CALCRL: variants seen among roughly 807,000 people sequenced by gnomAD.
The protein encoded by CALCRL is calcitonin gene-related peptide type 1 receptor.
CALCRL carries 27 observed loss-of-function variants against 60.4 expected under a neutral mutation model. That is an observed-to-expected ratio of 0.45 (90% confidence interval 0.33 to 0.62). The LOEUF is 0.62. CALCRL is among the 20% of genes least tolerant of loss of function. The pLI, the probability that CALCRL is intolerant of heterozygous loss-of-function variation, is 0.03. For missense variants in CALCRL, 424 were observed against 540.7 expected, an observed-to-expected ratio of 0.78 and a Z score of 2.14; for synonymous variants, 190 against 182.6, an observed-to-expected ratio of 1.04 and a Z score of -0.33.
chr2:187,433,779 T>C (rs1041858139), intron 1 of CALCRL, among the ~76,000 whole-genome samples: 8 of 152,066 alleles, frequency 5.3e-5, no homozygotes, highest in African/African-American at 7.2e-5. Context: ...AACCTAAGTA[T>C]ATTTATGAAG....
At position 187,375,316 on chromosome 2, in the gene CALCRL, T is replaced by G. The variant is rs527617402; in HGVS notation, c.500+3624A>C. Among the ~76,000 whole-genome samples the G allele has an allele frequency of 2.8e-4, 42 of 150,906 alleles. 1 individual carries two copies. Among genetic ancestry groups the G allele is most frequent in the Admixed American group, 1.5e-3 (22 of 15,130 alleles). On this transcript the variant is annotated intron_variant, in intron 8 of 14. Coordinates refer to ENST00000392370, the MANE Select transcript of CALCRL (RefSeq NM_005795.6). Reference sequence around the variant, plus strand: ...AAAAAAAATTGAGTTATGCCTGAATTCAACTGCATACCTCTTATACTAACT... The same window carrying G: ...AAAAAAAATTGAGTTATGCCTGAATGCAACTGCATACCTCTTATACTAACT...
chr2:187,405,444 C>T (rs568856944), intron 1 of CALCRL, among the ~76,000 whole-genome samples: 2 of 152,060 alleles, frequency 1.3e-5, no homozygotes, highest in South Asian at 2.1e-4. Flanking sequence ...TGCTTTGTTA[C>T]GGAGTACCTT....
intron 1 of CALCRL, among the ~76,000 whole-genome samples, chr2:187,440,182 T>TA (rs1388023736): frequency 3.3e-5 from 5 of 152,022 alleles, no homozygotes; most frequent in Non-Finnish European, 7.4e-5. Context: ...CTGATGTCCA[T>TA]ATGCATATTA....
intron 8 of CALCRL, among the ~76,000 whole-genome samples, chr2:187,376,583 T>C (rs1253486175): frequency 6.6e-6 from 1 of 152,172 alleles, no homozygotes; most frequent in African/African-American, 2.4e-5. Flanking sequence ...CCTACTCTTA[T>C]CTAATTAGTT....
intron 1 of CALCRL, among the ~76,000 whole-genome samples, chr2:187,409,830 A>G (rs1689281297): frequency 6.6e-6 from 1 of 152,200 alleles, no homozygotes; most frequent in African/African-American, 2.4e-5. Flanking sequence ...CTAGGGAAAG[A>G]CTGGAGGTGG....
intron 12 of CALCRL, among the ~76,000 whole-genome samples, chr2:187,352,858 T>C (rs895356961): frequency 3.3e-5 from 5 of 151,934 alleles, no homozygotes; most frequent in Admixed American, 3.3e-4. Flanking sequence ...CTCTCCAAAG[T>C]ATCACTGTAA....
At chr2:187,437,035 T>G (rs1437401131) in intron 1 of CALCRL, among the ~76,000 whole-genome samples, 2 of 152,178 alleles carry the variant, frequency 1.3e-5, no homozygotes, top group Non-Finnish European at 2.9e-5. Flanking sequence ...TACTTTGTTC[T>G]GGTTGGCTTT....
At chr2:187,430,826 G>C (rs1690372712) in intron 1 of CALCRL, among the ~76,000 whole-genome samples, 1 of 151,926 alleles carries the variant, frequency 6.6e-6, no homozygotes, top group Non-Finnish European at 1.5e-5. Flanking sequence ...TAGAGAAAAG[G>C]AACTTAGTTC....
chr2:187,434,495 C>T (rs886461442), intron 1 of CALCRL, among the ~76,000 whole-genome samples: 2 of 152,078 alleles, frequency 1.3e-5, no homozygotes, highest in African/African-American at 4.8e-5. Flanking sequence ...TAATACACAG[C>T]ATTAGAAAAG....
chr2:187,353,547 T>C (rs1686628798), intron 12 of CALCRL, among the ~76,000 whole-genome samples: 1 of 151,950 alleles, frequency 6.6e-6, no homozygotes, highest in East Asian at 1.9e-4. Context: ...TAATAGAACA[T>C]ATGCTTCAAA....
chr2:187,425,239 A>G (rs536962663), intron 1 of CALCRL, among the ~76,000 whole-genome samples: 2 of 152,116 alleles, frequency 1.3e-5, no homozygotes, highest in East Asian at 3.9e-4. Context: ...AATGTTGACA[A>G]CTTATGTTTT....
intron 1 of CALCRL, among the ~76,000 whole-genome samples, chr2:187,405,872 A>G (rs556358155): frequency 6.6e-6 from 1 of 152,064 alleles, no homozygotes; most frequent in South Asian, 2.1e-4. Context: ...TAACTAGGGA[A>G]ATCACTTAAG....
chr2:187,432,234 T>TAC (rs1256332636), intron 1 of CALCRL, among the ~76,000 whole-genome samples: 1 of 152,162 alleles, frequency 6.6e-6, no homozygotes, highest in East Asian at 1.9e-4. Context: ...GTAGTTTACA[T>TAC]ACATCCTTTC....
chr2:187,412,663 T>C (rs1689418129), intron 1 of CALCRL, among the ~76,000 whole-genome samples: 1 of 152,164 alleles, frequency 6.6e-6, no homozygotes, highest in East Asian at 1.9e-4. Context: ...GACATACTAT[T>C]TTAAAACTTT....
At chr2:187,382,676 T>A (rs1375145031) in intron 5 of CALCRL, among the ~76,000 whole-genome samples, 1 of 152,112 alleles carries the variant, frequency 6.6e-6, no homozygotes, top group African/African-American at 2.4e-5. Context: ...TCTCAATGAA[T>A]GTTATCCAAA....
chr2:187,354,322 CCAGA>C (rs1288811724), intron 12 of CALCRL, among the ~76,000 whole-genome samples: 2 of 151,752 alleles, frequency 1.3e-5, no homozygotes, highest in Admixed American at 6.6e-5. Context: ...GAAGTCATTC[CCAGA>C]CAATCACTTA....
intron 1 of CALCRL, among the ~76,000 whole-genome samples, chr2:187,396,438 C>G (rs938396595): frequency 6.6e-6 from 1 of 151,670 alleles, no homozygotes; most frequent in Non-Finnish European, 1.5e-5. Flanking sequence ...AGGCTTAATG[C>G]TTATAGGACT....
intron 6 of CALCRL, 38 bp downstream of exon 6, chr2:187,380,639 G>A (rs770196865): frequency 7.0e-6 from 11 of 1,574,402 alleles, no homozygotes; most frequent in Non-Finnish European, 9.6e-6. Context: ...TTATTAAATA[G>A]ATGTCAAGGA....
chr2:187,386,298 A>G (rs1378480203), intron 3 of CALCRL, among the ~76,000 whole-genome samples: 2 of 152,108 alleles, frequency 1.3e-5, no homozygotes, highest in Non-Finnish European at 2.9e-5. Flanking sequence ...GTAAGTATTA[A>G]TCTCATTTTC....
Sources: allele counts gnomAD v4.1 joint callset (sites outside exome capture counted in the v4.1 genomes callset), GRCh38; gene constraint gnomAD v4.1.1; transcripts MANE v1.5; gene names NCBI Gene and HGNC (gene_info 2026-07-23, HGNC 2026-07-21).